RHOBTB3: variants seen among roughly 807,000 people sequenced by gnomAD.
The protein encoded by RHOBTB3 is Rho related BTB domain containing 3, also known as rho-related BTB domain-containing protein 3.
Under a neutral mutation model 67.2 loss-of-function variants are expected in RHOBTB3, and 47 were observed. That is an observed-to-expected ratio of 0.70 (90% CI 0.55 to 0.89). The LOEUF (loss-of-function observed/expected upper bound fraction) is 0.89, where lower values mean the gene tolerates loss of function less well. Ranked by LOEUF, RHOBTB3 falls within the 40% of genes least tolerant of loss-of-function variation. RHOBTB3 has a pLI of 0.00. For missense variants in RHOBTB3, 631 were observed against 750.0 expected (o/e 0.84, Z 1.85); for synonymous variants, 273 against 274.2 (o/e 1.00, Z 0.04).
chr5:95,754,535 C>T lies in RHOBTB3; in HGVS notation c.683-861C>T, dbSNP rs557528506. 6.6e-5 allele frequency among the ~76,000 whole-genome samples: 10 copies of T among 152,258 alleles called. No individual in the cohort carries two copies. In the South Asian group the frequency reaches 1.5e-3, roughly 22 times the overall value. ...GAAGTTTGAATTCTACTGATTTAGA[C>T]GGTTGCATACCCTTCAAACAACCCT... On this transcript the variant is annotated intron_variant, in intron 5 of 11. Transcript: ENST00000379982.
intron 8 of RHOBTB3, among the ~76,000 whole-genome samples, chr5:95,777,841 G>A (rs1745933758): frequency 6.6e-6 from 1 of 152,200 alleles, no homozygotes; most frequent in African/African-American, 2.4e-5. Context: ...AGTTGGCTGG[G>A]TGCAGTGGCT....
At chr5:95,742,638 G>A (rs948883107) in intron 3 of RHOBTB3, among the ~76,000 whole-genome samples, 10 of 151,924 alleles carry the variant, frequency 6.6e-5, no homozygotes, top group African/African-American at 1.7e-4. Context: ...CTTTTCTTCT[G>A]GTTCACACAT....
upstream of RHOBTB3, chr5:95,731,294 C>A (rs935608988): frequency 1.8e-5 from 19 of 1,033,746 alleles, no homozygotes; most frequent in East Asian, 1.6e-3. Context: ...ATCTCCCCGA[C>A]CCCCCTTCTC....
intron 6 of RHOBTB3, among the ~76,000 whole-genome samples, chr5:95,760,479 A>G (rs1203431679): frequency 2.0e-5 from 3 of 152,224 alleles, no homozygotes; most frequent in African/African-American, 7.2e-5. Context: ...CACATCACTT[A>G]TTGAAATGCC....
At chr5:95,752,974 A>T (rs902754714) in intron 5 of RHOBTB3, among the ~76,000 whole-genome samples, 1 of 152,106 alleles carries the variant, frequency 6.6e-6, no homozygotes, top group African/African-American at 2.4e-5. Context: ...CACTAAAAAT[A>T]CAAAAAAATT....
intron 11 of RHOBTB3, among the ~76,000 whole-genome samples, chr5:95,789,873 A>G (rs1438751018): frequency 6.6e-6 from 1 of 152,242 alleles, no homozygotes; most frequent in Non-Finnish European, 1.5e-5. Context: ...CATATGGTCA[A>G]GATGGTGATT....
upstream of RHOBTB3, among the ~76,000 whole-genome samples, chr5:95,729,038 G>A (rs1360258482): frequency 3.3e-5 from 5 of 152,188 alleles, no homozygotes; most frequent in Non-Finnish European, 7.4e-5. Flanking sequence ...TCTGGGAAAT[G>A]CCCACCCTTT....
intron 9 of RHOBTB3, among the ~76,000 whole-genome samples, chr5:95,783,414 G>A (rs1012271788): frequency 7.9e-5 from 12 of 151,508 alleles, no homozygotes; most frequent in African/African-American, 2.7e-4. Context: ...GAGCCACTGC[G>A]CCGGCCCTTC....
At chr5:95,719,617 A>G (rs1754803719) in intron 1 of RHOBTB3, 1 of 152,218 alleles carries the variant, frequency 6.6e-6, no homozygotes, top group Non-Finnish European at 1.5e-5. Context: ...AAAAACATAT[A>G]TACATTACAT....
At chr5:95,746,003 C>A (rs1333914056) in intron 3 of RHOBTB3, among the ~76,000 whole-genome samples, 1 of 151,944 alleles carries the variant, frequency 6.6e-6, no homozygotes, top group Non-Finnish European at 1.5e-5. Context: ...ATTTTAGAAT[C>A]CAGATAAAGG....
chr5:95,769,314 A>G (rs1745639148), intron 8 of RHOBTB3: 2 of 473,854 alleles, frequency 4.2e-6, no homozygotes, highest in Admixed American at 2.1e-5. Context: ...TGCCAGTAAC[A>G]CAAATGAAGA....
At chr5:95,781,446 T>C (rs554756644) in intron 9 of RHOBTB3, 1 of 152,366 alleles carries the variant, frequency 6.6e-6, no homozygotes, top group Admixed American at 6.5e-5. Flanking sequence ...TAGTGAAAGA[T>C]TTTAGAAGTT....
At chr5:95,743,773 C>T (rs1755669324) in intron 3 of RHOBTB3, among the ~76,000 whole-genome samples, 1 of 142,872 alleles carries the variant, frequency 7.0e-6, no homozygotes, top group East Asian at 2.3e-4. Flanking sequence ...TGCAGTGGCA[C>T]AGTCTCAGCT....
rs538262466 is a variant in RHOBTB3, at chr5:95,792,381, C to T, written c.1721-678C>T. Among the ~76,000 whole-genome samples the T allele has an allele frequency of 6.4e-4, 72 of 111,878 alleles. 1 individual carries two copies. Among genetic ancestry groups the T allele is most frequent in the East Asian group, 2.2e-4 (1 of 4,470 alleles). The allele number at this position is 111,878 out of a possible 152,430, so 73.4% of individuals were successfully genotyped here. On this transcript the variant is annotated intron_variant, in intron 11 of 11. Coordinates refer to ENST00000379982, the MANE Select transcript of RHOBTB3 (RefSeq NM_014899.4). Reference sequence around the variant, plus strand: ...CAGCCTGGGCGACAGAGCAAGACTCCGTCTCAGAAAAAAAAAAAAAAGAAA... The same window carrying T: ...CAGCCTGGGCGACAGAGCAAGACTCTGTCTCAGAAAAAAAAAAAAAAGAAA...
chr5:95,764,870 A>ATTT (rs569063999), intron 7 of RHOBTB3, among the ~76,000 whole-genome samples: 2 of 146,538 alleles, frequency 1.4e-5, no homozygotes, highest in African/African-American at 5.0e-5. Flanking sequence ...AAGGGGTAAG[A>ATTT]TTTTTTTTTT....
chr5:95,720,403 A>G (rs1754834687), intron 1 of RHOBTB3, among the ~76,000 whole-genome samples: 1 of 152,246 alleles, frequency 6.6e-6, no homozygotes, highest in African/African-American at 2.4e-5. Context: ...AATCATAGTT[A>G]ATGCAAAAGG....
chr5:95,779,598 G>A (rs544233532), intron 8 of RHOBTB3, among the ~76,000 whole-genome samples: 10 of 152,174 alleles, frequency 6.6e-5, no homozygotes, highest in Non-Finnish European at 1.3e-4. Flanking sequence ...AAAATTCAAC[G>A]TAGCACTGGC....
At chr5:95,742,777 T>TA (rs1755634905) in intron 3 of RHOBTB3, among the ~76,000 whole-genome samples, 1 of 152,146 alleles carries the variant, frequency 6.6e-6, no homozygotes, top group African/African-American at 2.4e-5. Context: ...AACTTTTATT[T>TA]AAAAAAACTC....
At chr5:95,758,113 G>A (rs543048372) in intron 6 of RHOBTB3, among the ~76,000 whole-genome samples, 5 of 152,100 alleles carry the variant, frequency 3.3e-5, no homozygotes, top group Non-Finnish European at 5.9e-5. Flanking sequence ...GCACTCTGAC[G>A]TCTTATATCC....
Sources: gnomAD v4.1 joint callset for allele counts (sites outside exome capture counted in the v4.1 genomes callset) on GRCh38, gnomAD v4.1.1 for gene constraint, MANE v1.5 for transcripts, NCBI Gene and HGNC (gene_info 2026-07-23, HGNC 2026-07-21) for gene names.